LYPLAL1: variants seen among roughly 807,000 people sequenced by gnomAD.
LYPLAL1 encodes the protein lysophospholipase like 1.
In LYPLAL1, 23 loss-of-function variants were observed where a neutral mutation model predicts 19.7. The ratio of observed to expected loss-of-function variants is 1.17; its 90% CI spans 0.84 to 1.65. LYPLAL1 has a LOEUF of 1.65. LYPLAL1 is among the 40% of genes most tolerant of loss of function. LYPLAL1 has a pLI of 0.00. For missense variants in LYPLAL1, 355 were observed against 279.4 expected, an observed-to-expected ratio of 1.27 and a Z score of -1.93; for synonymous variants, 119 against 96.3, an observed-to-expected ratio of 1.24 and a Z score of -1.38.
chr1:219,287,916 G>A, the LYPLAL1 span, among the ~76,000 whole-genome samples: 3 of 152,234 alleles, frequency 2.0e-5, no homozygotes, highest in East Asian at 5.8e-4. Context: ...CTCCACCATG[G>A]TAAGACATGC....
the LYPLAL1 span, among the ~76,000 whole-genome samples, chr1:219,252,726 A>G: frequency 6.6e-6 from 1 of 152,166 alleles, no homozygotes; most frequent in South Asian, 2.1e-4. Context: ...TTCATCAAGG[A>G]TATTAGCCTG....
At chr1:219,419,548 AACAC>A in the LYPLAL1 span, among the ~76,000 whole-genome samples, 689 of 97,830 alleles carry the variant, frequency 7.0e-3, 11 homozygotes, top group East Asian at 0.032. Flanking sequence ...GCCCTAGCCC[AACAC>A]ACACACACAC....
intron 4 of LYPLAL1, 120 bp downstream of exon 4, chr1:219,210,767 T>C (rs1658970014): frequency 2.3e-6 from 2 of 886,802 alleles, no homozygotes; most frequent in Non-Finnish European, 1.6e-6. Context: ...TTGATATGGA[T>C]TGACCATTCC....
rs565132683 is a variant in LYPLAL1, at chr1:219,202,058, G to A, written c.362-8474G>A. 2.6e-5 allele frequency among the ~76,000 whole-genome samples: 4 copies of A among 152,228 alleles called. No individual in the cohort carries two copies. The East Asian group carries it at 7.7e-4, about 29-fold the overall frequency. On this transcript the variant is annotated intron_variant, in intron 3 of 4. Coordinates refer to ENST00000366928, the MANE Select transcript of LYPLAL1 (RefSeq NM_138794.5). The stretch of plus-strand genomic sequence containing the variant: ...AGTTAGAAACATCATAATTACAAAT[G>A]CCCTTAAGCTGACATCATATAACAT...
At chr1:219,367,640 A>T in the LYPLAL1 span, among the ~76,000 whole-genome samples, 1 of 152,200 alleles carries the variant, frequency 6.6e-6, no homozygotes, top group Non-Finnish European at 1.5e-5. Flanking sequence ...TATCTAATTG[A>T]ACTTTTCACT....
the LYPLAL1 span, among the ~76,000 whole-genome samples, chr1:219,228,599 G>A: frequency 1.1e-4 from 16 of 151,872 alleles, no homozygotes; most frequent in Admixed American, 3.9e-4. Context: ...CTGATGGCTC[G>A]TTGTATCACT....
chr1:219,399,601 A>G, the LYPLAL1 span, among the ~76,000 whole-genome samples: 18 of 152,090 alleles, frequency 1.2e-4, no homozygotes, highest in African/African-American at 3.9e-4. Flanking sequence ...GGGTTGGTGC[A>G]TGGCTATGGG....
chr1:219,373,888 A>C, the LYPLAL1 span, among the ~76,000 whole-genome samples: 1 of 151,048 alleles, frequency 6.6e-6, no homozygotes. Context: ...AAAACAAAAA[A>C]AAAAACACAA....
the LYPLAL1 span, among the ~76,000 whole-genome samples, chr1:219,219,722 G>A: frequency 1.3e-5 from 2 of 152,224 alleles, no homozygotes; most frequent in East Asian, 3.9e-4. Context: ...TTGTGTGTGT[G>A]TGTGTGCATG....
the LYPLAL1 span, among the ~76,000 whole-genome samples, chr1:219,284,704 C>A: frequency 1.1e-4 from 16 of 152,302 alleles, no homozygotes; most frequent in African/African-American, 3.4e-4. Context: ...ACTACTGTTA[C>A]TGTCTTTATT....
chr1:219,373,882 C>CAAAAAAAAAAAAAAA, the LYPLAL1 span, among the ~76,000 whole-genome samples: 1 of 119,614 alleles, frequency 8.4e-6, no homozygotes, highest in Non-Finnish European at 1.7e-5. Flanking sequence ...AAAAAAAAAA[C>CAAAAAAAAAAAAAAA]AAAAAAAAAA....
At chr1:219,399,129 T>C in the LYPLAL1 span, among the ~76,000 whole-genome samples, 2 of 152,146 alleles carry the variant, frequency 1.3e-5, no homozygotes, top group Non-Finnish European at 2.9e-5. Context: ...CATGTGGGTG[T>C]TCACCACAGT....
At chr1:219,271,561 A>C in the LYPLAL1 span, 4 of 152,208 alleles carry the variant, frequency 2.6e-5, no homozygotes, top group Non-Finnish European at 5.9e-5. Flanking sequence ...TAGAAATATG[A>C]ATTTGATTAG....
At chr1:219,304,320 A>G in the LYPLAL1 span, among the ~76,000 whole-genome samples, 1 of 152,214 alleles carries the variant, frequency 6.6e-6, no homozygotes, top group Non-Finnish European at 1.5e-5. Flanking sequence ...TAATTATCCA[A>G]GATGCTCAGT....
At chr1:219,323,565 T>C in the LYPLAL1 span, among the ~76,000 whole-genome samples, 1 of 152,156 alleles carries the variant, frequency 6.6e-6, no homozygotes, top group Non-Finnish European at 1.5e-5. Context: ...TGTTGTGAGC[T>C]CTCTCCTTTG....
chr1:219,311,098 T>C, the LYPLAL1 span, among the ~76,000 whole-genome samples: 1 of 152,224 alleles, frequency 6.6e-6, no homozygotes, highest in African/African-American at 2.4e-5. Flanking sequence ...TATAAAATTA[T>C]TGCAGAAAAT....
chr1:219,283,315 TACTG>T, the LYPLAL1 span, among the ~76,000 whole-genome samples: 40 of 152,218 alleles, frequency 2.6e-4, no homozygotes, highest in South Asian at 8.1e-3. Flanking sequence ...TATTGAGAGG[TACTG>T]TTTGGGATGG....
At chr1:219,359,338 A>G in the LYPLAL1 span, among the ~76,000 whole-genome samples, 1 of 152,348 alleles carries the variant, frequency 6.6e-6, no homozygotes, top group East Asian at 1.9e-4. Flanking sequence ...GTTTTCTTAC[A>G]TCAGGGATTT....
chr1:219,330,278 G>A, the LYPLAL1 span, among the ~76,000 whole-genome samples: 30 of 152,224 alleles, frequency 2.0e-4, no homozygotes, highest in African/African-American at 6.7e-4. Flanking sequence ...ATTTCATGTT[G>A]ACATAACCTA....
Sources: gnomAD v4.1 joint callset for allele counts (sites outside exome capture counted in the v4.1 genomes callset) on GRCh38, gnomAD v4.1.1 for gene constraint, MANE v1.5 for transcripts, NCBI Gene and HGNC (gene_info 2026-07-23, HGNC 2026-07-21) for gene names.